The following PRKCE variants were observed in gnomAD, a reference collection of about 807,000 sequenced individuals.
The protein encoded by PRKCE is protein kinase C epsilon, also known as protein kinase C epsilon type.
Under a neutral mutation model 85.4 loss-of-function variants are expected in PRKCE, and 16 were observed. The observed-to-expected ratio is 0.19, with a 90% CI of 0.13 to 0.28. PRKCE has a LOEUF of 0.28. PRKCE is among the 10% of genes least tolerant of loss of function. The pLI, the probability that PRKCE is intolerant of heterozygous loss-of-function variation, is 1.00. For missense variants in PRKCE, 573 were observed against 975.2 expected (o/e 0.59, Z 5.49); for synonymous variants, 388 against 371.5 (o/e 1.04, Z -0.51).
intron 5 of PRKCE, among the ~76,000 whole-genome samples, chr2:45,982,072 A>G (rs1702933100): frequency 6.6e-6 from 1 of 152,216 alleles, no homozygotes; most frequent in Admixed American, 6.5e-5. Flanking sequence ...TCACCAAGGG[A>G]CAAATTGCCA....
intron 2 of PRKCE, among the ~76,000 whole-genome samples, chr2:45,920,804 C>A (rs924140561): frequency 1.3e-5 from 2 of 152,194 alleles, no homozygotes; most frequent in East Asian, 3.8e-4. Context: ...TGTTCTAAAA[C>A]TGATGGTTTA....
At chr2:45,911,781 GTTATTTTACCTTCTC>G (rs1490786408) in intron 2 of PRKCE, among the ~76,000 whole-genome samples, 4 of 152,136 alleles carry the variant, frequency 2.6e-5, no homozygotes, top group Admixed American at 2.0e-4. Flanking sequence ...TGCTAGCCTT[GTTATTTTACCTTCTC>G]TAGGCTTTCA....
intron 2 of PRKCE, among the ~76,000 whole-genome samples, chr2:45,943,599 G>C (rs1700034824): frequency 1.3e-5 from 2 of 152,202 alleles, no homozygotes; most frequent in Admixed American, 1.3e-4. Context: ...TCTTTCCAGA[G>C]CCTTTTTTTT....
At chr2:45,903,925 GC>G (rs1485984979) in intron 2 of PRKCE, among the ~76,000 whole-genome samples, 4 of 108,858 alleles carry the variant, frequency 3.7e-5, no homozygotes, top group African/African-American at 1.7e-4. Context: ...GTTTTTTTTG[GC>G]AGGGTCTCAC....
intron 2 of PRKCE, among the ~76,000 whole-genome samples, chr2:45,937,598 C>T (rs1699561121): frequency 6.6e-6 from 1 of 152,090 alleles, no homozygotes; most frequent in South Asian, 2.1e-4. Context: ...ACCTGTAGTC[C>T]CAGCTACTCG....
intron 1 of PRKCE, among the ~76,000 whole-genome samples, chr2:45,804,912 C>T (rs1185471406): frequency 6.9e-6 from 1 of 144,574 alleles, no homozygotes; most frequent in African/African-American, 2.5e-5. Flanking sequence ...TGTTTTAAGC[C>T]TTTTAAAGAC....
chr2:45,830,973 C>T (rs184047820), intron 1 of PRKCE, among the ~76,000 whole-genome samples: 1 of 152,344 alleles, frequency 6.6e-6, no homozygotes, highest in Non-Finnish European at 1.5e-5. Context: ...AAGACAGTGG[C>T]TGCACCCAGC....
chr2:45,749,252 G>C (rs761082316), intron 1 of PRKCE, among the ~76,000 whole-genome samples: 6 of 152,192 alleles, frequency 3.9e-5, no homozygotes, highest in Non-Finnish European at 8.8e-5. Context: ...TATGTGCTCA[G>C]AAAAGCCAAT....
chr2:45,801,147 A>T (rs1687835437), intron 1 of PRKCE, among the ~76,000 whole-genome samples: 1 of 152,058 alleles, frequency 6.6e-6, no homozygotes, highest in Non-Finnish European at 1.5e-5. Context: ...GGGTGGTGAG[A>T]GATGTGTTGA....
intron 1 of PRKCE, among the ~76,000 whole-genome samples, chr2:45,793,029 C>T (rs1687153176): frequency 6.6e-6 from 1 of 152,190 alleles, no homozygotes. Flanking sequence ...AAACTCCTGA[C>T]CTCAGGTGAT....
chr2:46,141,276 A>G (rs1018208790), intron 11 of PRKCE, among the ~76,000 whole-genome samples: 3 of 152,254 alleles, frequency 2.0e-5, no homozygotes, highest in Non-Finnish European at 4.4e-5. Flanking sequence ...TTATATAGCC[A>G]CAATAAAGAA....
At position 45,688,950 on chromosome 2, in the gene PRKCE, G is replaced by A. The variant is rs563029928; in HGVS notation, c.348+36502G>A. ...TCCACAACATAAGAGACTTGATGTT[G>A]GCCTTTTGGGAGCTCATGTTTCAAA... On this transcript the variant is annotated intron_variant, in intron 1 of 14. Coordinates refer to ENST00000306156, the MANE Select transcript of PRKCE (RefSeq NM_005400.3). Among the ~76,000 whole-genome samples, 7 of 152,296 alleles carry A rather than the reference G, an allele frequency of 4.6e-5. No individual in the cohort carries two copies. The South Asian group carries it at 1.5e-3, about 32-fold the overall frequency.
rs1678209791 is a variant in PRKCE at position 45,697,018 on chromosome 2, G to A, written c.348+44570G>A. On this transcript the variant is annotated intron_variant, in intron 1 of 14. Coordinates refer to ENST00000306156, the MANE Select transcript of PRKCE (RefSeq NM_005400.3). The surrounding 1 kb of genome is among the most constrained non-coding windows in gnomAD (Gnocchi z 4.2). ...CCTTGGCTTTTGTACTTGCCACCAAGGCCCATGTTTGGTGCAGAGCTGAAA... is the reference window on the plus strand; with the variant it reads ...CCTTGGCTTTTGTACTTGCCACCAAAGCCCATGTTTGGTGCAGAGCTGAAA... 6.6e-6 allele frequency among the ~76,000 whole-genome samples: 1 copy of A among 152,144 alleles called. No homozygotes were observed. Among genetic ancestry groups the A allele is most frequent in the South Asian group, 2.1e-4 (1 of 4,824 alleles).
At chr2:46,103,359 T>C (rs552081512) in intron 11 of PRKCE, among the ~76,000 whole-genome samples, 4 of 152,200 alleles carry the variant, frequency 2.6e-5, no homozygotes, top group Non-Finnish European at 4.4e-5. Flanking sequence ...CTGGCTTCTT[T>C]TATTGGAGAA....
intron 2 of PRKCE, among the ~76,000 whole-genome samples, chr2:45,908,904 C>T (rs988559810): frequency 4.6e-5 from 7 of 152,176 alleles, no homozygotes; most frequent in African/African-American, 1.7e-4. Flanking sequence ...CTGAGCCCCG[C>T]AGTCCTCTAT....
chr2:45,895,119 C>T lies in PRKCE; in HGVS notation c.412+52056C>T, dbSNP rs568488443. Among the ~76,000 whole-genome samples the T allele has an allele frequency of 8.5e-5, 13 of 152,242 alleles. No homozygotes were observed. Among genetic ancestry groups the T allele is most frequent in the Non-Finnish European group, 1.5e-4 (10 of 68,030 alleles). ...AGCATTAGTTGTGAGCATTTGGCCA[C>T]GTGGTAGGGAGAATGAAAAGGCGCC... On this transcript the variant is annotated intron_variant, in intron 2 of 14. Transcript: ENST00000306156. The surrounding 1 kb of genome is among the most constrained non-coding windows in gnomAD (Gnocchi z 4.8).
intron 2 of PRKCE, among the ~76,000 whole-genome samples, chr2:45,938,688 A>T (rs1313467438): frequency 6.6e-6 from 1 of 152,026 alleles, no homozygotes; most frequent in African/African-American, 2.4e-5. Context: ...CCATAAACTC[A>T]TGGTATCATG....
At chr2:45,732,869 AT>A (rs1356445616) in intron 1 of PRKCE, among the ~76,000 whole-genome samples, 13 of 152,334 alleles carry the variant, frequency 8.5e-5, no homozygotes, top group Admixed American at 6.5e-4. Flanking sequence ...ATGATTGGTA[AT>A]TTTAGATAAA....
intron 2 of PRKCE, among the ~76,000 whole-genome samples, chr2:45,926,262 A>G (rs1027838180): frequency 6.6e-6 from 1 of 152,234 alleles, no homozygotes; most frequent in African/African-American, 2.4e-5. Flanking sequence ...CTCCAGGGCC[A>G]TGGCAAGAGG....
Sources: allele counts gnomAD v4.1 joint callset (sites outside exome capture counted in the v4.1 genomes callset), GRCh38; gene constraint gnomAD v4.1.1; non-coding constraint Gnocchi (gnomAD v3.1); transcripts MANE v1.5; gene names NCBI Gene and HGNC (gene_info 2026-07-23, HGNC 2026-07-21).